Variants in ZNF75D observed in about 807,000 individuals in gnomAD.
The protein encoded by ZNF75D is zinc finger protein 75.
A neutral mutation model predicts 33.3 loss-of-function variants in ZNF75D; 33 were observed. That is an observed-to-expected ratio of 0.99 (90% CI 0.75 to 1.32). The LOEUF (loss-of-function observed/expected upper bound fraction) is 1.32, where lower values mean the gene tolerates loss of function less well. ZNF75D is among the 40% of genes most tolerant of loss of function. ZNF75D has a pLI of 0.00. For synonymous variants in ZNF75D, 113 were observed against 130.6 expected, an observed-to-expected ratio of 0.87 and a Z score of 0.92; for missense variants, 338 against 367.5, an observed-to-expected ratio of 0.92 and a Z score of 0.66.
intron 6 of ZNF75D, among the ~76,000 whole-genome samples, chrX:135,290,192 TCCTCA>T (rs2084019111): frequency 8.9e-6 from 1 of 112,295 alleles, no homozygotes; most frequent in Non-Finnish European, 1.9e-5. Context: ...TTATGAAGTG[TCCTCA>T]TACTGAATTG....
intron 1 of ZNF75D, among the ~76,000 whole-genome samples, chrX:135,260,119 C>A (rs1240833620): frequency 4.5e-5 from 5 of 112,003 alleles, no homozygotes; most frequent in African/African-American, 6.5e-5. Flanking sequence ...TATGTTGAAC[C>A]AGCCTTGCAT....
chrX:135,291,160 T>A, intron 5 of ZNF75D, 25 bp from the exon 6 acceptor site: 1 of 1,207,623 alleles, frequency 8.3e-7, no homozygotes, highest in Non-Finnish European at 1.1e-6. Flanking sequence ...GGGCTATAGT[T>A]TAGTACTTGC....
At chrX:135,289,493 G>A (rs1556420600) in intron 6 of ZNF75D, among the ~76,000 whole-genome samples, 1 of 111,094 alleles carries the variant, frequency 9.0e-6, no homozygotes. Flanking sequence ...CCACACACCT[G>A]TAGTCCCAGC....
rs1203341996 is a variant in ZNF75D, at chrX:135,332,143, A to AAAACCC, written c.-391+9619_-391+9624dup. Among the ~76,000 whole-genome samples, 6 of 111,664 alleles carry AAAACCC rather than the reference A, an allele frequency of 5.4e-5. No individual in the cohort carries two copies. The Admixed American group carries it at 5.7e-4, about 11-fold the overall frequency. On this transcript the variant is annotated intron_variant, in intron 1 of 6. Coordinates refer to ENST00000370766, the MANE Select transcript of ZNF75D (RefSeq NM_007131.5). ...AGCAGCAGGTAGGCCAAGAAGGAGT[A>AAAACCC]AAACCCACAGGAGCAGAGGCCGATA...
intron 1 of ZNF75D, among the ~76,000 whole-genome samples, chrX:135,317,557 G>A (rs2084436038): frequency 9.0e-6 from 1 of 111,178 alleles, no homozygotes; most frequent in Non-Finnish European, 1.9e-5. Flanking sequence ...CAGTGGTGGT[G>A]GTGGGATGAT....
chrX:135,289,331 C>G (rs1372000503), intron 6 of ZNF75D, among the ~76,000 whole-genome samples: 1 of 112,458 alleles, frequency 8.9e-6, no homozygotes, highest in Non-Finnish European at 1.9e-5. Context: ...AATTCACCTT[C>G]TCAGGCCAGG....
At chrX:135,290,378 G>A (rs1322518269) in intron 6 of ZNF75D, among the ~76,000 whole-genome samples, 5 of 111,914 alleles carry the variant, frequency 4.5e-5, no homozygotes, top group African/African-American at 1.6e-4. Context: ...AATTTCAAGA[G>A]GCAATAATAC....
intron 1 of ZNF75D, among the ~76,000 whole-genome samples, chrX:135,306,288 T>TATACACAC (rs1447708166): frequency 6.0e-5 from 5 of 83,246 alleles, no homozygotes; most frequent in African/African-American, 2.4e-4. Context: ...CAGAGATACA[T>TATACACAC]ACACACACAC....
chrX:135,309,674 G>A (rs2084335340), intron 1 of ZNF75D: 2 of 295,439 alleles, frequency 6.8e-6, no homozygotes, highest in African/African-American at 5.5e-5. Context: ...ACTCCAGGGT[G>A]AACATGGCCT....
At chrX:135,282,630 G>A (rs2083924271), downstream of ZNF75D, among the ~76,000 whole-genome samples, 1 of 111,741 alleles carries the variant, frequency 8.9e-6, no homozygotes, top group Non-Finnish European at 1.9e-5. Context: ...GGCACCTGAG[G>A]GAATCCCCTG....
rs1196745075 is a variant in ZNF75D, at chrX:135,286,291, C to CA, written c.*845dup. On this transcript the variant is annotated 3_prime_UTR_variant, in exon 7 of 7. Transcript: ENST00000370766. The stretch of plus-strand genomic sequence containing the variant: ...CCCTTTAGGTCCTGCAGCAGTATGG[C>CA]ACCAGTTTGAAAGCCTCCATCCAGT... 1.8e-5 allele frequency: 2 copies of CA among 110,781 alleles called. No individual in the cohort carries two copies. The highest frequency in any genetic ancestry group is 6.6e-5 in the African/African-American group (2 of 30,525). The allele number at this position is 110,781 out of a possible 1,213,427, so 9.1% of individuals were successfully genotyped here.
At chrX:135,289,775 C>T (rs1310128907) in intron 6 of ZNF75D, among the ~76,000 whole-genome samples, 2 of 111,486 alleles carry the variant, frequency 1.8e-5, no homozygotes, top group African/African-American at 3.3e-5. Context: ...GTTCTAGGAA[C>T]CACATCACAA....
intron 1 of ZNF75D, among the ~76,000 whole-genome samples, chrX:135,299,622 T>G (rs2084185784): frequency 8.9e-6 from 1 of 112,378 alleles, no homozygotes; most frequent in Non-Finnish European, 1.9e-5. Context: ...GATTTTAATT[T>G]TGTAATGGCC....
intron 1 of ZNF75D, among the ~76,000 whole-genome samples, chrX:135,296,732 G>C (rs2084135593): frequency 8.9e-6 from 1 of 112,374 alleles, no homozygotes; most frequent in Non-Finnish European, 1.9e-5. Context: ...AACCTTTTGA[G>C]ATAGGTCCCA....
chrX:135,333,755 G>T (rs1199581556), intron 1 of ZNF75D, among the ~76,000 whole-genome samples: 1 of 111,554 alleles, frequency 9.0e-6, no homozygotes, highest in Non-Finnish European at 1.9e-5. Context: ...AATATTGGTG[G>T]ATCTTTACCT....
At chrX:135,279,654 T>G (rs782675143) in intron 1 of ZNF75D, among the ~76,000 whole-genome samples, 2 of 112,007 alleles carry the variant, frequency 1.8e-5, no homozygotes, top group South Asian at 7.5e-4. Flanking sequence ...AAACACTGCT[T>G]TAGCTGTGTC....
Position 135,324,478 on chromosome X carries a change from C to G in ZNF75D, c.-391+17290G>C, listed in dbSNP as rs143746627. On this transcript the variant is annotated intron_variant, in intron 1 of 6. Transcript: ENST00000370766. ...TGCAGTATACAATTATACTTTAAAA[C>G]AGAGGATGCTGCTGTTAGTATACTA... 5.3e-3 allele frequency among the ~76,000 whole-genome samples: 602 copies of G among 112,692 alleles called. 9 individuals are homozygous for G. Among genetic ancestry groups the G allele is most frequent in the African/African-American group, 0.019 (579 of 31,002 alleles).
intron 1 of ZNF75D, among the ~76,000 whole-genome samples, chrX:135,315,391 G>A (rs1556430963): frequency 8.9e-6 from 1 of 112,141 alleles, no homozygotes; most frequent in Non-Finnish European, 1.9e-5. Flanking sequence ...TGTTCCATGT[G>A]CTGATGAAAA....
Position 135,290,890 on chromosome X carries a change from A to C in ZNF75D, c.823+119T>G, listed in dbSNP as rs141296680. 756 of 686,655 alleles carry C rather than the reference A, an allele frequency of 1.1e-3. 4 individuals are homozygous for C. Among genetic ancestry groups the C allele is most frequent in the African/African-American group, 8.7e-3 (396 of 45,745 alleles). The allele number at this position is 686,655 out of a possible 1,213,427, so 56.6% of individuals were successfully genotyped here. On this transcript the variant is annotated intron_variant, in intron 6 of 6. Transcript: ENST00000370766. ...ATCCCTTTATTTCCCATACATCATC[A>C]AGTTGAGAATCAATCAGCTGTTGGA...
Sources: gnomAD v4.1 joint callset for allele counts (sites outside exome capture counted in the v4.1 genomes callset) on GRCh38, gnomAD v4.1.1 for gene constraint, MANE v1.5 for transcripts, NCBI Gene and HGNC (gene_info 2026-07-23, HGNC 2026-07-21) for gene names.